Variants in MKRN2 observed in about 807,000 individuals in gnomAD.
The protein encoded by MKRN2 is E3 ubiquitin-protein ligase makorin-2.
MKRN2 carries 32 observed loss-of-function variants against 45.4 expected under a neutral mutation model. That is an observed-to-expected ratio of 0.70 (90% confidence interval 0.53 to 0.95). MKRN2 has a LOEUF of 0.95. Among genes scored for constraint, MKRN2 ranks in the 40% least tolerant of loss-of-function variants. The pLI, the probability that MKRN2 is intolerant of heterozygous loss-of-function variation, is 0.00. For missense variants in MKRN2, 526 were observed against 536.7 expected (o/e 0.98, Z 0.20); for synonymous variants, 206 against 192.4 (o/e 1.07, Z -0.59).
At chr3:12,576,189 A>ATATGTGTGTGTG (rs1398365999) in intron 5 of MKRN2, among the ~76,000 whole-genome samples, 5 of 143,318 alleles carry the variant, frequency 3.5e-5, no homozygotes, top group African/African-American at 1.3e-4. Flanking sequence ...GAAACCATAT[A>ATATGTGTGTGTG]TGTGTGTGTG....
intron 4 of MKRN2, among the ~76,000 whole-genome samples, chr3:12,574,418 T>C (rs2058118394): frequency 1.3e-5 from 2 of 152,226 alleles, no homozygotes; most frequent in African/African-American, 4.8e-5. Context: ...GCATCTCTGA[T>C]GTAGACATGG....
In MKRN2 at chr3:12,572,270, G is replaced by T. The variant is rs771495910; in HGVS notation, c.539G>T (p.Arg180Leu). 6.2e-7 allele frequency: 1 copy of T among 1,614,050 alleles called. No homozygotes were observed. Among genetic ancestry groups the T allele is most frequent in the Non-Finnish European group, 8.5e-7 (1 of 1,179,984 alleles). Residue 180 changes from arginine to leucine, a missense_variant, in exon 4 of 8, where the codon CGG becomes CTG. Coordinates refer to ENST00000170447, the MANE Select transcript of MKRN2 (RefSeq NM_014160.5). Reference sequence around the variant, plus strand: ...CCCTACGCAGCTGCTGGGGAGTGCCGGTTTGGGGATGCCTGTGTCTACCTG... The same window carrying T: ...CCCTACGCAGCTGCTGGGGAGTGCCTGTTTGGGGATGCCTGTGTCTACCTG... The part of the protein sequence containing the change: ...LCPYAAAGEC[R>L]FGDACVYLHG...
chr3:12,558,499 C>T (rs923802119), intron 1 of MKRN2, among the ~76,000 whole-genome samples: 1 of 152,168 alleles, frequency 6.6e-6, no homozygotes, highest in African/African-American at 2.4e-5. Context: ...CCATTTATTC[C>T]CGTACCTCAT....
intron 3 of MKRN2, among the ~76,000 whole-genome samples, chr3:12,571,752 GTGTTAACA>G (rs1251853929): frequency 6.6e-6 from 1 of 152,160 alleles, no homozygotes; most frequent in Non-Finnish European, 1.5e-5. Flanking sequence ...ACTGGTCCAT[GTGTTAACA>G]TTTCCATATT....
In MKRN2 at chr3:12,570,130, G is replaced by A; in HGVS notation, c.215G>A (p.Ser72Asn). ...AGGAVGTMAH[S>N]VPSPAFHSPH... ...GGTGCTGTGGGCACCATGGCCCACA[G>A]TGTGCCCTCCCCAGCTTTCCACAGT... Residue 72 changes from serine to asparagine, a missense_variant, in exon 3 of 8, where the codon AGT becomes AAT. By Grantham distance (46) the Ser-to-Asn change is conservative (BLOSUM62 1). Transcript: ENST00000170447. 3 of 1,614,068 alleles carry A rather than the reference G, an allele frequency of 1.9e-6. No individual in the cohort carries two copies. The highest frequency in any genetic ancestry group is 2.5e-6 in the Non-Finnish European group (3 of 1,180,032).
Position 12,574,806 on chromosome 3 carries a change from G to A in MKRN2, c.657G>A (p.Thr219=), listed in dbSNP as rs762696820. ...CTGTGCTTCAGATCTGCATGTTGAC[G>A]TTCGAACACGAGATGGAAAAGGCCT... The part of the protein sequence containing the change: ...RKAHEKICML[T]FEHEMEKAFA... Residue 219 remains threonine, a synonymous_variant, in exon 5 of 8, where the codon ACG becomes ACA. Transcript: ENST00000170447. 33 of 1,613,224 alleles carry A rather than the reference G, an allele frequency of 2.0e-5. No homozygotes were observed. Among genetic ancestry groups the A allele is most frequent in the Middle Eastern group, 3.6e-4 (2 of 5,574 alleles).
chr3:12,571,953 G>A lies in MKRN2; in HGVS notation c.338-116G>A, dbSNP rs1178471255. 3.9e-6 allele frequency: 4 copies of A among 1,020,108 alleles called. No individual in the cohort carries two copies. The African/African-American group carries it at 6.6e-5, about 17-fold the overall frequency. 63.2% of individuals were successfully genotyped at this position (1,020,108 alleles called of 1,614,324 possible). On this transcript the variant is annotated intron_variant, in intron 3 of 7. Coordinates refer to ENST00000170447, the MANE Select transcript of MKRN2 (RefSeq NM_014160.5). The stretch of plus-strand genomic sequence containing the variant: ...CTTCGGTGTGTTTTTTTTGCCATAT[G>A]TTCTCAAGAGTGGAATTCTTAGGTC...
At chr3:12,570,642 T>G (rs1364796232) in intron 3 of MKRN2, among the ~76,000 whole-genome samples, 1 of 152,074 alleles carries the variant, frequency 6.6e-6, no homozygotes, top group African/African-American at 2.4e-5. Flanking sequence ...TTTGGGAGGC[T>G]GAGGCGGGTG....
intron 6 of MKRN2, among the ~76,000 whole-genome samples, chr3:12,581,251 G>A (rs775020557): frequency 6.6e-6 from 1 of 152,230 alleles, no homozygotes; most frequent in Non-Finnish European, 1.5e-5. Flanking sequence ...CACATAAGGC[G>A]TGAAGAAGCC....
intron 1 of MKRN2, among the ~76,000 whole-genome samples, chr3:12,565,523 C>CTTT (rs2058064141): frequency 7.7e-6 from 1 of 130,342 alleles, no homozygotes; most frequent in African/African-American, 3.0e-5. Context: ...CCCCAACTTA[C>CTTT]CTTTTTTTTT....
Position 12,582,323 on chromosome 3 carries a change from T to G in MKRN2, c.*70T>G. On this transcript the variant is annotated 3_prime_UTR_variant, in exon 8 of 8. Coordinates refer to ENST00000170447, the MANE Select transcript of MKRN2 (RefSeq NM_014160.5). ...TTTCCCAAGCCAGGGTGTGCGGAGC[T>G]TCCCTGTACTGCAGCCAAGGTGACG... 1.3e-6 allele frequency: 2 copies of G among 1,580,832 alleles called. No homozygotes were observed. Among genetic ancestry groups the G allele is most frequent in the Non-Finnish European group, 1.7e-6 (2 of 1,155,132 alleles).
At chr3:12,558,228 T>C (rs778712222) in intron 1 of MKRN2, among the ~76,000 whole-genome samples, 5 of 152,246 alleles carry the variant, frequency 3.3e-5, no homozygotes, top group Non-Finnish European at 7.3e-5. Context: ...CATTTACTGT[T>C]CAATTTATCC....
chr3:12,573,930 G>T (rs1380308780), intron 4 of MKRN2, among the ~76,000 whole-genome samples: 1 of 152,020 alleles, frequency 6.6e-6, no homozygotes, highest in Non-Finnish European at 1.5e-5. Flanking sequence ...TCAGAGGTGA[G>T]GTCTTGCTAT....
In MKRN2 at chr3:12,572,298, C is replaced by T. The variant is rs764824341; in HGVS notation, c.567C>T (p.His189=). The T allele has an allele frequency of 1.8e-5, 29 of 1,612,738 alleles. No homozygotes were observed. Among genetic ancestry groups the T allele is most frequent in the Non-Finnish European group, 2.0e-5 (24 of 1,179,062 alleles). The part of the protein sequence containing the change: ...CRFGDACVYL[H]GEVCEICRLQ... ...TTGGGGATGCCTGTGTCTACCTGCACGGGGAGGTGTGTGAAATCTGTAGGC... is the reference window on the plus strand; with the variant it reads ...TTGGGGATGCCTGTGTCTACCTGCATGGGGAGGTGTGTGAAATCTGTAGGC... Residue 189 remains histidine, a synonymous_variant, in exon 4 of 8, where the codon CAC becomes CAT. Transcript: ENST00000170447.
At position 12,557,122 on chromosome 3, in the gene MKRN2, C is replaced by T. The variant is rs1395471943; in HGVS notation, c.-29C>T. The T allele has an allele frequency of 2.7e-6, 4 of 1,494,142 alleles. No homozygotes were observed. Among genetic ancestry groups the T allele is most frequent in the Non-Finnish European group, 3.6e-6 (4 of 1,124,446 alleles). 92.6% of individuals were successfully genotyped at this position (1,494,142 alleles called of 1,614,324 possible). ...CGGCAGCGGCTGCGAGAGGCGGCGG[C>T]ACGACGACGGTCCCTCAGCCCAGCC... is the stretch of plus-strand genomic sequence containing the variant. On this transcript the variant is annotated 5_prime_UTR_variant, in exon 1 of 8. Coordinates refer to ENST00000170447, the MANE Select transcript of MKRN2 (RefSeq NM_014160.5).
chr3:12,576,583 A>T, intron 5 of MKRN2, 48 bp from the exon 6 acceptor site: 1 of 1,377,160 alleles, frequency 7.3e-7, no homozygotes, highest in Non-Finnish European at 1.0e-6. Flanking sequence ...GAGTGTGCCC[A>T]GGCTTCGTAA....
In MKRN2 at chr3:12,576,193, G is replaced by A. The variant is rs1354002888; in HGVS notation, c.858-438G>A. Among the ~76,000 whole-genome samples, 375 of 92,942 alleles carry A rather than the reference G, an allele frequency of 4.0e-3. 3 individuals are homozygous for A. Among genetic ancestry groups the A allele is most frequent in the Middle Eastern group, 0.026 (6 of 232 alleles). 61.0% of individuals were successfully genotyped at this position (92,942 alleles called of 152,430 possible). The stretch of plus-strand genomic sequence containing the variant: ...TTTTTGTTGAGGAAACCATATATGT[G>A]TGTGTGTGTGTGTGTGTGTGTGTGT... On this transcript the variant is annotated intron_variant, in intron 5 of 7. Transcript: ENST00000170447.
chr3:12,569,041 T>A (rs1441254176), intron 2 of MKRN2, 38 bp downstream of exon 2: 1 of 1,590,582 alleles, frequency 6.3e-7, no homozygotes, highest in Admixed American at 1.8e-5. Context: ...GTGACACTGA[T>A]TTCATTTGGA....
At chr3:12,579,749 G>A (rs2058165672) in intron 6 of MKRN2, among the ~76,000 whole-genome samples, 1 of 152,064 alleles carries the variant, frequency 6.6e-6, no homozygotes, top group Non-Finnish European at 1.5e-5. Context: ...AGGATGTGGT[G>A]GGACCTACAG....
Sources: allele counts gnomAD v4.1 joint callset (sites outside exome capture counted in the v4.1 genomes callset), GRCh38; gene constraint gnomAD v4.1.1; transcripts MANE v1.5; gene names NCBI Gene and HGNC (gene_info 2026-07-23, HGNC 2026-07-21).